The following PRKCH variants were observed in gnomAD, a reference collection of about 807,000 sequenced individuals.
PRKCH encodes protein kinase C eta type.
Under a neutral mutation model 82.5 loss-of-function variants are expected in PRKCH, and 28 were observed. The observed-to-expected ratio is 0.34, with a 90% confidence interval of 0.25 to 0.47. The LOEUF (loss-of-function observed/expected upper bound fraction) is 0.47, where lower values mean the gene tolerates loss of function less well. PRKCH is among the 20% of genes least tolerant of loss of function. The pLI, the probability that PRKCH is intolerant of heterozygous loss-of-function variation, is 1.00. For missense variants in PRKCH, 705 were observed against 881.8 expected (o/e 0.80, Z 2.54); for synonymous variants, 322 against 327.4 (o/e 0.98, Z 0.18).
In PRKCH at chr14:61,382,973, A is replaced by G. The variant is rs192924457; in HGVS notation, c.364-8252A>G. 2.7e-3 allele frequency among the ~76,000 whole-genome samples: 404 copies of G among 152,336 alleles called. 1 individual carries two copies. The highest frequency in any genetic ancestry group is 4.0e-3 in the Non-Finnish European group (273 of 68,026). On this transcript the variant is annotated intron_variant, in intron 1 of 13. Coordinates refer to ENST00000332981, the MANE Select transcript of PRKCH (RefSeq NM_006255.5). ...AATCATGGAACATTACAGCTAGAAT[A>G]TTTTTAGACAACTCTTGTTTCATGG...
In PRKCH at chr14:61,550,386, C is replaced by T. The variant is rs572361082; in HGVS notation, c.*555C>T. The T allele has an allele frequency of 4.6e-5, 7 of 152,378 alleles. No individual in the cohort carries two copies. Among genetic ancestry groups the T allele is most frequent in the African/African-American group, 1.4e-4 (6 of 41,536 alleles). The allele number at this position is 152,378 out of a possible 1,614,324, so 9.4% of individuals were successfully genotyped here. ...ATCTCTGAAACTCACAACCTAAAGC[C>T]CAATCTTGAAAATATGTTGTGCACC... On this transcript the variant is annotated 3_prime_UTR_variant, in exon 14 of 14. Coordinates refer to ENST00000332981, the MANE Select transcript of PRKCH (RefSeq NM_006255.5).
In PRKCH at chr14:61,280,566, G is replaced by GGAGCGGTC; in HGVS notation, c.-19+92905_-19+92912dup. The stretch of plus-strand genomic sequence containing the variant: ...GGTAGTCGGTCCACCAGGCGATGCC[G>GGAGCGGTC]GAGCGGTCGAGCGGCACCTCGACGT... On this transcript the variant is annotated intron_variant, in intron 1 of 3. Coordinates refer to the PRKCH transcript ENST00000555185. This position sits in a 1 kb window ranked among gnomAD's most constrained non-coding sequence, Gnocchi z 5.0. 6.2e-7 allele frequency: 1 copy of GGAGCGGTC among 1,606,474 alleles called. No homozygotes were observed. Among genetic ancestry groups the GGAGCGGTC allele is most frequent in the East Asian group, 2.2e-5 (1 of 44,532 alleles).
intron 2 of PRKCH, among the ~76,000 whole-genome samples, chr14:61,403,901 A>G (rs1430920338): frequency 1.3e-5 from 2 of 152,152 alleles, no homozygotes; most frequent in African/African-American, 4.8e-5. Flanking sequence ...GTTTGGGTAA[A>G]ACAAGAATGA....
chr14:61,223,297 C>T (rs989612144), intron 1 of PRKCH, among the ~76,000 whole-genome samples: 5 of 152,176 alleles, frequency 3.3e-5, no homozygotes, highest in African/African-American at 9.7e-5. Context: ...CTTTCACCAT[C>T]GACTCCTGAC....
chr14:61,339,981 G>T (rs2045911641), intron 1 of PRKCH, among the ~76,000 whole-genome samples: 1 of 151,956 alleles, frequency 6.6e-6, no homozygotes, highest in Non-Finnish European at 1.5e-5. Context: ...CACTGTGCCT[G>T]GCGAAACCTT....
At chr14:61,478,946 T>G (rs544815350) in intron 9 of PRKCH, among the ~76,000 whole-genome samples, 1 of 152,250 alleles carries the variant, frequency 6.6e-6, no homozygotes, top group African/African-American at 2.4e-5. Flanking sequence ...AAAACTTTCT[T>G]AAGGCTATGC....
intron 1 of PRKCH, among the ~76,000 whole-genome samples, chr14:61,216,274 T>A (rs1315317195): frequency 1.3e-5 from 2 of 152,024 alleles, no homozygotes; most frequent in Non-Finnish European, 2.9e-5. Context: ...AAGACCAGCC[T>A]TGCCAACATG....
At chr14:61,367,458 A>G (rs1469316181) in intron 1 of PRKCH, among the ~76,000 whole-genome samples, 2 of 151,730 alleles carry the variant, frequency 1.3e-5, no homozygotes, top group South Asian at 2.1e-4. Context: ...GTTACAGTGC[A>G]AGAGCTGTCT....
intron 2 of PRKCH, among the ~76,000 whole-genome samples, chr14:61,397,973 C>T (rs548507258): frequency 6.6e-6 from 1 of 152,122 alleles, no homozygotes; most frequent in Non-Finnish European, 1.5e-5. Context: ...GAGCTCAAGG[C>T]GTATAAAATT....
chr14:61,453,857 T>A (rs368082614), intron 7 of PRKCH, among the ~76,000 whole-genome samples: 1 of 152,006 alleles, frequency 6.6e-6, no homozygotes. Context: ...GGAGTCTCAC[T>A]TTGTTGCGCA....
At chr14:61,365,606 A>G (rs1035401128) in intron 1 of PRKCH, among the ~76,000 whole-genome samples, 4 of 152,080 alleles carry the variant, frequency 2.6e-5, no homozygotes, top group South Asian at 4.1e-4. Flanking sequence ...TTTATGCTGA[A>G]TTGTATATTT....
chr14:61,322,075 C>G lies in PRKCH; in HGVS notation c.-27C>G. The G allele has an allele frequency of 1.3e-6, 2 of 1,516,234 alleles. No homozygotes were observed. Among genetic ancestry groups the G allele is most frequent in the Non-Finnish European group, 1.8e-6 (2 of 1,126,186 alleles). The allele number at this position is 1,516,234 out of a possible 1,614,324, so 93.9% of individuals were successfully genotyped here. On this transcript the variant is annotated 5_prime_UTR_variant, in exon 1 of 14. Transcript: ENST00000332981. ...TCTCCCGCTGCGAAGCAGCGCGGCC[C>G]CCCGGGGCCGGGGCAGCGGCGCCGG...
chr14:61,192,018 T>TTG (rs67540297), intron 1 of PRKCH, among the ~76,000 whole-genome samples: 31,711 of 148,524 alleles, frequency 0.21, 3,690 homozygotes, highest in Admixed American at 0.34. Context: ...TCCTAAAACA[T>TTG]TGTGTGTGTG....
intron 1 of PRKCH, among the ~76,000 whole-genome samples, chr14:61,223,945 T>C (rs1238447208): frequency 6.6e-6 from 1 of 152,212 alleles, no homozygotes; most frequent in African/African-American, 2.4e-5. Context: ...TTTTGCCTAA[T>C]AAGTCTCCTC....
intron 10 of PRKCH, among the ~76,000 whole-genome samples, chr14:61,485,857 C>T (rs901061028): frequency 1.3e-5 from 2 of 152,190 alleles, no homozygotes; most frequent in Non-Finnish European, 2.9e-5. Flanking sequence ...TCATGGCTCA[C>T]TGCAGCCGGT....
At chr14:61,447,080 A>G (rs142940281) in intron 4 of PRKCH, among the ~76,000 whole-genome samples, 240 of 152,326 alleles carry the variant, frequency 1.6e-3, no homozygotes, top group African/African-American at 4.9e-3. Flanking sequence ...ATGCCATTCT[A>G]ACACTGATCA....
At chr14:61,466,566 A>C (rs1413727900) in intron 9 of PRKCH, among the ~76,000 whole-genome samples, 1 of 152,174 alleles carries the variant, frequency 6.6e-6, no homozygotes, top group African/African-American at 2.4e-5. Context: ...TATTGGTCTG[A>C]GGCTTTGTTC....
At chr14:61,336,970 GAGGCAT>G (rs1190027444) in intron 1 of PRKCH, among the ~76,000 whole-genome samples, 1 of 150,426 alleles carries the variant, frequency 6.6e-6, no homozygotes, top group East Asian at 2.0e-4. Context: ...TTGGGAGGCT[GAGGCAT>G]GAGAATTGCT....
chr14:61,318,152 C>A (rs180974022), upstream of PRKCH, among the ~76,000 whole-genome samples: 1 of 151,854 alleles, frequency 6.6e-6, no homozygotes, highest in South Asian at 2.1e-4. Context: ...TAGGTCACTA[C>A]AGTCTCAACC....
Sources: gnomAD v4.1 joint callset for allele counts (sites outside exome capture counted in the v4.1 genomes callset) on GRCh38, gnomAD v4.1.1 for gene constraint, Gnocchi (gnomAD v3.1) non-coding constraint, MANE v1.5 for transcripts, NCBI Gene and HGNC (gene_info 2026-07-23, HGNC 2026-07-21) for gene names.